The following TENM2 variants were observed in gnomAD, a reference collection of about 807,000 sequenced individuals.
TENM2 encodes the protein teneurin-2.
TENM2 carries 52 observed loss-of-function variants against 245.2 expected under a neutral mutation model. The observed-to-expected ratio is 0.21, with a 90% CI of 0.17 to 0.27. The LOEUF is 0.27. TENM2 is among the 10% of genes least tolerant of loss of function. The probability of loss-of-function intolerance (pLI) is 1.00; values close to 1 mark genes in which losing one functional copy is unlikely to be tolerated. For synonymous variants in TENM2, 1,363 were observed against 1,438.9 expected, an observed-to-expected ratio of 0.95 and a Z score of 1.19; for missense variants, 3,046 against 3,666.8, an observed-to-expected ratio of 0.83 and a Z score of 4.37.
chr5:167,973,619 C>T (rs1445349696), intron 4 of TENM2, among the ~76,000 whole-genome samples: 4 of 152,138 alleles, frequency 2.6e-5, no homozygotes, highest in African/African-American at 9.7e-5. Context: ...TCAGGGAAGC[C>T]TGGCTGGCAG....
intron 2 of TENM2, among the ~76,000 whole-genome samples, chr5:167,872,637 G>T (rs762085194): frequency 6.6e-6 from 1 of 152,194 alleles, no homozygotes; most frequent in African/African-American, 2.4e-5. Flanking sequence ...CGAAGTAATG[G>T]TAGGTACCAG....
At chr5:168,092,790 G>A (rs1046770529) in intron 8 of TENM2, among the ~76,000 whole-genome samples, 3 of 152,194 alleles carry the variant, frequency 2.0e-5, no homozygotes, top group African/African-American at 4.8e-5. Context: ...TGACACGTAC[G>A]TGACAGCACA....
At chr5:167,000,303 A>G in the TENM2 span, among the ~76,000 whole-genome samples, 1 of 152,214 alleles carries the variant, frequency 6.6e-6, no homozygotes, top group African/African-American at 2.4e-5. Flanking sequence ...ACCTATTTGG[A>G]TTGTTAGAAG....
At chr5:167,556,629 A>C (rs1002845130) in intron 2 of TENM2, among the ~76,000 whole-genome samples, 1 of 152,168 alleles carries the variant, frequency 6.6e-6, no homozygotes, top group African/African-American at 2.4e-5. Flanking sequence ...AAGACAGCTT[A>C]GAGAGATAGT....
intron 2 of TENM2, among the ~76,000 whole-genome samples, chr5:167,462,882 G>A (rs1157784560): frequency 5.9e-5 from 9 of 152,072 alleles, no homozygotes; most frequent in African/African-American, 9.6e-5. Context: ...CTGGAGAACC[G>A]CCTTCTTCTA....
At chr5:167,983,948 A>G (rs1783038050) in intron 4 of TENM2, among the ~76,000 whole-genome samples, 1 of 152,196 alleles carries the variant, frequency 6.6e-6, no homozygotes, top group Admixed American at 6.5e-5. Flanking sequence ...AAAATATACT[A>G]TACACGGCTC....
At chr5:167,644,859 T>A (rs188911905) in intron 2 of TENM2, among the ~76,000 whole-genome samples, 4 of 152,324 alleles carry the variant, frequency 2.6e-5, no homozygotes, top group Non-Finnish European at 5.9e-5. Context: ...CAAGAATATG[T>A]TCTGAGAAAT....
chr5:167,149,165 C>A, the TENM2 span, among the ~76,000 whole-genome samples: 1 of 152,054 alleles, frequency 6.6e-6, no homozygotes, highest in African/African-American at 2.4e-5. Context: ...CTATCCCTCC[C>A]CCCTCCACCC....
chr5:168,024,633 C>T lies in TENM2; in HGVS notation c.1187-22794C>T, dbSNP rs118168587. On this transcript the variant is annotated intron_variant, in intron 5 of 28. Transcript: ENST00000518659. ...CGCTGAGCTCCTCTGTCAGCACAGA[C>T]GCTTGTTTCCTTTCTAGGATCTCAG... is the stretch of plus-strand genomic sequence containing the variant. Among the ~76,000 whole-genome samples the T allele has an allele frequency of 1.4e-3, 218 of 152,264 alleles. 3 individuals are homozygous for T. In the East Asian group the frequency reaches 0.034, roughly 24 times the overall value.
At chr5:167,609,058 G>T (rs1037203356) in intron 2 of TENM2, among the ~76,000 whole-genome samples, 1 of 152,090 alleles carries the variant, frequency 6.6e-6, no homozygotes, top group African/African-American at 2.4e-5. Context: ...TGCTGAAATC[G>T]TGTGAAGTCA....
At chr5:168,234,829 T>C (rs576845257) in intron 25 of TENM2, among the ~76,000 whole-genome samples, 114 of 152,366 alleles carry the variant, frequency 7.5e-4, no homozygotes, top group African/African-American at 2.7e-3. Context: ...GCTACATGTG[T>C]AGGTAGCAGA....
exon 8 of TENM2, chr5:168,090,620 T>C (rs1329743415): frequency 1.9e-6 from 3 of 1,613,234 alleles, no homozygotes; most frequent in Non-Finnish European, 1.7e-6. Context: ...TGGAGTGTGG[T>C]TGAGTCTCCC....
intron 2 of TENM2, among the ~76,000 whole-genome samples, chr5:167,383,749 A>G (rs538492742): frequency 0.016 from 2,268 of 145,400 alleles, 59 homozygotes; most frequent in African/African-American, 0.057. Context: ...AAAAAAAAAA[A>G]ACTTCCGTAT....
intron 12 of TENM2, among the ~76,000 whole-genome samples, chr5:168,133,078 A>G (rs941001361): frequency 1.5e-4 from 23 of 152,176 alleles, no homozygotes; most frequent in Non-Finnish European, 2.8e-4. Flanking sequence ...CCCGACCTCA[A>G]TTTCTCCATG....
intron 2 of TENM2, among the ~76,000 whole-genome samples, chr5:167,796,379 A>C (rs1765319592): frequency 6.7e-6 from 1 of 150,270 alleles, no homozygotes; most frequent in Non-Finnish European, 1.5e-5. Flanking sequence ...CTCTGGTTCC[A>C]GATGCACTGA....
At chr5:167,589,564 A>G (rs1290326309) in intron 2 of TENM2, among the ~76,000 whole-genome samples, 2 of 152,146 alleles carry the variant, frequency 1.3e-5, no homozygotes, top group Non-Finnish European at 2.9e-5. Flanking sequence ...TTAAAAATAT[A>G]TATTTTAAAC....
chr5:167,103,901 C>T, the TENM2 span, among the ~76,000 whole-genome samples: 2 of 151,884 alleles, frequency 1.3e-5, no homozygotes, highest in African/African-American at 2.4e-5. Flanking sequence ...CACACGCATG[C>T]GCACACACAC....
intron 2 of TENM2, among the ~76,000 whole-genome samples, chr5:167,783,177 T>TG (rs1561776680): frequency 1.3e-5 from 2 of 150,914 alleles, no homozygotes; most frequent in Non-Finnish European, 3.0e-5. Context: ...AAACAGGTTT[T>TG]TTTTTTTTTT....
chr5:167,599,534 A>G (rs946646794), intron 2 of TENM2, among the ~76,000 whole-genome samples: 2 of 152,148 alleles, frequency 1.3e-5, no homozygotes, highest in African/African-American at 4.8e-5. Flanking sequence ...TGCCAGCAAA[A>G]ATAGTTTGGC....
Sources: gnomAD v4.1 joint callset for allele counts (sites outside exome capture counted in the v4.1 genomes callset) on GRCh38, gnomAD v4.1.1 for gene constraint, MANE v1.5 for transcripts, NCBI Gene and HGNC (gene_info 2026-07-23, HGNC 2026-07-21) for gene names.